The following PDZRN3 variants were observed in gnomAD, a reference collection of about 807,000 sequenced individuals.
PDZRN3 encodes PDZ domain containing ring finger 3.
PDZRN3 carries 38 observed loss-of-function variants against 85.7 expected under a neutral mutation model. The observed-to-expected ratio is 0.44, with a 90% CI of 0.34 to 0.58. The LOEUF (loss-of-function observed/expected upper bound fraction) is 0.58, where lower values mean the gene tolerates loss of function less well. PDZRN3 is among the 20% of genes least tolerant of loss of function. PDZRN3 has a pLI of 0.01. For missense variants in PDZRN3, 1,629 were observed against 1,506.4 expected (o/e 1.08, Z -1.35); for synonymous variants, 759 against 638.0 (o/e 1.19, Z -2.86).
intron 3 of PDZRN3, among the ~76,000 whole-genome samples, chr3:73,416,143 T>C (rs945422250): frequency 2.5e-4 from 38 of 151,962 alleles, no homozygotes; most frequent in African/African-American, 8.9e-4. Flanking sequence ...GAAGAAGAGA[T>C]TAGAAAAAAT....
chr3:73,450,364 G>C (rs1295382004), intron 3 of PDZRN3, among the ~76,000 whole-genome samples: 1 of 152,138 alleles, frequency 6.6e-6, no homozygotes. Context: ...AAAAATGGGT[G>C]ACATTGCTCA....
intron 3 of PDZRN3, among the ~76,000 whole-genome samples, chr3:73,481,068 C>A (rs906383429): frequency 6.6e-6 from 1 of 152,182 alleles, no homozygotes; most frequent in African/African-American, 2.4e-5. Context: ...TAGTAAATGG[C>A]AGAGTTGCAA....
rs1438408189 is a variant in PDZRN3, at chr3:73,450,455, T to C, written c.919-46060A>G. Among the ~76,000 whole-genome samples, 3 of 152,224 alleles carry C rather than the reference T, an allele frequency of 2.0e-5. No individual in the cohort carries two copies. In the East Asian group the frequency reaches 5.8e-4, roughly 29 times the overall value. On this transcript the variant is annotated intron_variant, in intron 3 of 9. Coordinates refer to ENST00000263666, the MANE Select transcript of PDZRN3 (RefSeq NM_015009.3). ...TAAGAGCTAGGCTCAAGCTGATCAG[T>C]GCAGCCAATAGATATCGAGGCCTAT...
chr3:73,563,013 A>ATATATATT (rs1187151191), intron 3 of PDZRN3, among the ~76,000 whole-genome samples: 46 of 43,726 alleles, frequency 1.1e-3, no homozygotes, highest in African/African-American at 4.1e-3. Flanking sequence ...ATATATATAT[A>ATATATATT]TTTTTTTTTT....
intron 3 of PDZRN3, among the ~76,000 whole-genome samples, chr3:73,459,010 A>G (rs1443209697): frequency 7.4e-5 from 11 of 148,290 alleles, no homozygotes; most frequent in Admixed American, 2.7e-4. Flanking sequence ...AAAAAAAAAG[A>G]AAAAAAAGAA....
chr3:73,469,861 C>CT (rs1703299648), intron 3 of PDZRN3, among the ~76,000 whole-genome samples: 1 of 152,182 alleles, frequency 6.6e-6, no homozygotes, highest in Admixed American at 6.5e-5. Context: ...ATCTTGGTAG[C>CT]TTAAGGCAGA....
chr3:73,457,927 TG>T, intron 3 of PDZRN3, among the ~76,000 whole-genome samples: 1 of 152,320 alleles, frequency 6.6e-6, no homozygotes, highest in East Asian at 1.9e-4. Context: ...AGTAAAGTTC[TG>T]TTGTTTATAA....
chr3:73,511,164 CTA>C (rs1048591521), intron 3 of PDZRN3, among the ~76,000 whole-genome samples: 3 of 152,118 alleles, frequency 2.0e-5, no homozygotes, highest in Non-Finnish European at 4.4e-5. Flanking sequence ...ATGCTTTTCT[CTA>C]TTTTTCACCC....
chr3:73,476,936 T>A (rs1353406454), intron 3 of PDZRN3, among the ~76,000 whole-genome samples: 2 of 152,190 alleles, frequency 1.3e-5, no homozygotes, highest in African/African-American at 2.4e-5. Context: ...CCCTCAGAAA[T>A]TGTGTGAGAC....
intron 3 of PDZRN3, among the ~76,000 whole-genome samples, chr3:73,527,196 T>C (rs1392753790): frequency 6.6e-6 from 1 of 152,002 alleles, no homozygotes; most frequent in Non-Finnish European, 1.5e-5. Flanking sequence ...TGATGCACAG[T>C]GGTAAGGATG....
At chr3:73,491,602 T>TTTTTTTTTG (rs1703773004) in intron 3 of PDZRN3, among the ~76,000 whole-genome samples, 1 of 149,622 alleles carries the variant, frequency 6.7e-6, no homozygotes, top group African/African-American at 2.5e-5. Context: ...CCTTTTTTTT[T>TTTTTTTTTG]TTTAAGAAGC....
At chr3:73,532,653 AG>A (rs1304983092) in intron 3 of PDZRN3, among the ~76,000 whole-genome samples, 1 of 152,232 alleles carries the variant, frequency 6.6e-6, no homozygotes, top group Non-Finnish European at 1.5e-5. Flanking sequence ...CATGACTTTA[AG>A]ATCTACCTGC....
rs960270655 is a variant in PDZRN3 at position 73,624,434 on chromosome 3, C to G, written c.392G>C (p.Arg131Pro). The G allele has an allele frequency of 7.5e-7, 1 of 1,329,968 alleles. No individual in the cohort carries two copies. The allele number at this position is 1,329,968 out of a possible 1,614,324, so 82.4% of individuals were successfully genotyped here. A position where few individuals can be genotyped will look rare whatever the true frequency, so the allele number is the denominator to read the frequency against. ...CACTGGCCGCGCGTCGCAGGCGTCG[C>G]GCATGTGCGCCTCCACGTCGCGCCG... ...LLRRDVEAHMRDACDARPVGR... is the reference protein window; with the variant it reads ...LLRRDVEAHMPDACDARPVGR... The change falls in exon 1 of 10, where the codon CGC becomes CCC. Residue 131 changes from arginine (R) to proline (P), a missense_variant. Physicochemically the swap from Arg to Pro is moderately radical, Grantham distance 103. Coordinates refer to ENST00000263666, the MANE Select transcript of PDZRN3 (RefSeq NM_015009.3).
At chr3:73,563,281 C>A (rs9830884) in intron 3 of PDZRN3, among the ~76,000 whole-genome samples, 95,109 of 150,254 alleles carry the variant, frequency 0.63, 30,639 homozygotes, top group South Asian at 0.7. Context: ...GTGATCCGCC[C>A]GCCTCGGCCC....
At chr3:73,516,156 T>C (rs7639548) in intron 3 of PDZRN3, among the ~76,000 whole-genome samples, 3,555 of 152,356 alleles carry the variant, frequency 0.023, 131 homozygotes, top group African/African-American at 0.081. Context: ...TGGGTTTCCA[T>C]TGCATAATGT....
At chr3:73,485,128 A>G (rs1206165606) in intron 3 of PDZRN3, among the ~76,000 whole-genome samples, 2 of 152,148 alleles carry the variant, frequency 1.3e-5, no homozygotes, top group Admixed American at 6.5e-5. Context: ...TGTTCTGAGC[A>G]TGAAATATTA....
chr3:73,550,388 C>T (rs926372106), intron 3 of PDZRN3, among the ~76,000 whole-genome samples: 1 of 152,176 alleles, frequency 6.6e-6, no homozygotes, highest in African/African-American at 2.4e-5. Flanking sequence ...CCTGGCTGCA[C>T]ATTATAATCA....
chr3:73,401,488 G>A (rs1231284448), intron 4 of PDZRN3, among the ~76,000 whole-genome samples: 9 of 152,124 alleles, frequency 5.9e-5, no homozygotes, highest in African/African-American at 1.2e-4. Flanking sequence ...ACCTAGGACC[G>A]TGTCTTTTTG....
intron 3 of PDZRN3, among the ~76,000 whole-genome samples, chr3:73,513,103 C>A (rs916453288): frequency 3.9e-5 from 6 of 152,130 alleles, no homozygotes; most frequent in African/African-American, 1.2e-4. Context: ...CCCAAGCCAG[C>A]CTGCCAGGGC....
Sources: allele counts gnomAD v4.1 joint callset (sites outside exome capture counted in the v4.1 genomes callset), GRCh38; gene constraint gnomAD v4.1.1; transcripts MANE v1.5; gene names NCBI Gene and HGNC (gene_info 2026-07-23, HGNC 2026-07-21).